NLRP2: variants seen among roughly 807,000 people sequenced by gnomAD.
The protein encoded by NLRP2 is NLR family pyrin domain containing 2.
NLRP2 carries 107 observed loss-of-function variants against 97.2 expected under a neutral mutation model. The observed-to-expected ratio is 1.10, with a 90% CI of 0.94 to 1.29. NLRP2 has a LOEUF of 1.29. NLRP2 is among the 50% of genes most tolerant of loss of function. The pLI is 0.00. For synonymous variants in NLRP2, 663 were observed against 551.5 expected (o/e 1.20, Z -2.83); for missense variants, 1,495 against 1,330.3 (o/e 1.12, Z -1.93).
chr19:54,998,402 A>T (rs1476010664), intron 12 of NLRP2, among the ~76,000 whole-genome samples: 4 of 152,046 alleles, frequency 2.6e-5, no homozygotes, highest in African/African-American at 7.2e-5. Flanking sequence ...CTCACAAGCA[A>T]TATACTCTAC....
Position 55,001,056 on chromosome 19 carries a change from T to G in NLRP2, c.*158T>G. ...CATGATTCTGCCTCTGTTTTATACC[T>G]GCACACATCCTTATCTTTGTTACAT... On this transcript the variant is annotated 3_prime_UTR_variant, in exon 13 of 13. Coordinates refer to ENST00000448584, the MANE Select transcript of NLRP2 (RefSeq NM_017852.5). 1 of 647,968 alleles carries G rather than the reference T, an allele frequency of 1.5e-6. No homozygotes were observed. Among genetic ancestry groups the G allele is most frequent in the Non-Finnish European group, 2.7e-6 (1 of 364,670 alleles). The allele number at this position is 647,968 out of a possible 1,614,324, so 40.1% of individuals were successfully genotyped here.
chr19:54,968,701 C>CTTTTTTTTTTTTTTTTTTTTTTTTTTT lies in NLRP2; in HGVS notation c.-17-1286_-17-1285insTTTTTTTTTTTTTTTTTTTTTTTTTTT, dbSNP rs61212213. ...CTCCACCACTAAGTTATCTTTAAGCCTTTTTTTTTTTTGAGACAGTTTCAC... is the reference window on the plus strand; with the variant it reads ...CTCCACCACTAAGTTATCTTTAAGCCTTTTTTTTTTTTTTTTTTTTTTTTTTTTTTTTTTTTTTTGAGACAGTTTCAC... On this transcript the variant is annotated intron_variant, in intron 1 of 12. Transcript: ENST00000448584. Among the ~76,000 whole-genome samples the CTTTTTTTTTTTTTTTTTTTTTTTTTTT allele has an allele frequency of 1.2e-4, 14 of 114,338 alleles. 3 individuals carry two copies. The highest frequency in any genetic ancestry group is 5.2e-4 in the African/African-American group (14 of 26,786). The allele number at this position is 114,338 out of a possible 152,430, so 75.0% of individuals were successfully genotyped here.
At position 54,982,282 on chromosome 19, in the gene NLRP2, T is replaced by TCAGCAACC. The variant is rs1555772918; in HGVS notation, c.586_593dup (p.Arg199AlafsTer31). 1.2e-6 allele frequency: 2 copies of TCAGCAACC among 1,613,930 alleles called. No homozygotes were observed. The highest frequency in any genetic ancestry group is 1.7e-6 in the Non-Finnish European group (2 of 1,179,982). On this transcript the variant is annotated frameshift_variant, in exon 6 of 13. Coordinates refer to ENST00000448584, the MANE Select transcript of NLRP2 (RefSeq NM_017852.5). LOFTEE classifies it high-confidence loss of function. ...GAGAGATACAAGATGCTGATCCCAT[T>TCAGCAACC]CAGCAACCCCAGGGTGCTTCCCGGG...
At position 54,990,511 on chromosome 19, in the gene NLRP2, C is replaced by T. The variant is rs747513037; in HGVS notation, c.2547C>T (p.Asn849=). ...TGTGATTCTTTTGTAGGTTGGAAAACTGTCACCTTACAGAAGCCAATTGCA... is the reference window on the plus strand; with the variant it reads ...TGTGATTCTTTTGTAGGTTGGAAAATTGTCACCTTACAGAAGCCAATTGCA... ...KCFLQRLSLE[N]CHLTEANCKD... Residue 849 remains asparagine (N), a synonymous_variant, in exon 10 of 13, where the codon AAC becomes AAT. Transcript: ENST00000448584. 3.7e-6 allele frequency: 6 copies of T among 1,614,058 alleles called. No homozygotes were observed. The African/African-American group carries it at 4.0e-5, about 11-fold the overall frequency.
chr19:54,970,316 ACT>A (rs752506903), intron 2 of NLRP2, 21 bp downstream of exon 2: 193 of 1,613,760 alleles, frequency 1.2e-4, no homozygotes, highest in Non-Finnish European at 1.5e-4. Flanking sequence ...ATCGGTCCAC[ACT>A]GTGTCCTAGG....
Position 54,975,544 on chromosome 19 carries a change from C to T in NLRP2, c.325+1000C>T, listed in dbSNP as rs569703264. 6.8e-5 allele frequency among the ~76,000 whole-genome samples: 10 copies of T among 146,060 alleles called. 3 individuals are homozygous for T. The East Asian group carries it at 8.8e-4, about 13-fold the overall frequency. ...TCGGCTCACTGCAAGCTCCGCCTCC[C>T]GGGTTCATGCCATTCTCCTGCCTCA... On this transcript the variant is annotated intron_variant, in intron 3 of 12. Coordinates refer to ENST00000448584, the MANE Select transcript of NLRP2 (RefSeq NM_017852.5).
rs1320757116 is a variant in NLRP2, at chr19:54,977,490, TG to T, written c.326-261del. On this transcript the variant is annotated intron_variant, in intron 3 of 12. Transcript: ENST00000448584. Reference sequence around the variant, plus strand: ...AGTGGCCTTATGCGTGAGTAGTTTGTGTGTGTGTGTGTGTGTGTGTGTGTGT... The same window carrying T: ...AGTGGCCTTATGCGTGAGTAGTTTGTTGTGTGTGTGTGTGTGTGTGTGTGT... 5.3e-3 allele frequency among the ~76,000 whole-genome samples: 279 copies of T among 52,874 alleles called. 1 individual carries two copies. In the African/African-American group the frequency reaches 0.07, roughly 13 times the overall value. 34.7% of individuals were successfully genotyped at this position (52,874 alleles called of 152,430 possible).
chr19:54,998,249 C>T (rs1452144315), intron 12 of NLRP2, among the ~76,000 whole-genome samples: 1 of 151,752 alleles, frequency 6.6e-6, no homozygotes, highest in Non-Finnish European at 1.5e-5. Context: ...AAACTCCTGA[C>T]CTCCGTGATT....
intron 8 of NLRP2, among the ~76,000 whole-genome samples, chr19:54,986,585 C>A (rs1432753817): frequency 6.7e-6 from 1 of 149,986 alleles, no homozygotes; most frequent in East Asian, 1.9e-4. Flanking sequence ...AAGTCTTGCT[C>A]TGTTGCCCAG....
intron 1 of NLRP2, among the ~76,000 whole-genome samples, chr19:54,967,306 A>C (rs1362469967): frequency 6.6e-6 from 1 of 152,044 alleles, no homozygotes; most frequent in Non-Finnish European, 1.5e-5. Context: ...AACATGTAGA[A>C]ACCCCATCTC....
At chr19:54,978,169 C>T (rs2071365544) in intron 4 of NLRP2, among the ~76,000 whole-genome samples, 1 of 152,016 alleles carries the variant, frequency 6.6e-6, no homozygotes, top group Admixed American at 6.6e-5. Context: ...AGCGATTCTC[C>T]TGATTCTCCT....
At chr19:54,980,315 C>A (rs769642382) in intron 4 of NLRP2, among the ~76,000 whole-genome samples, 21 of 152,018 alleles carry the variant, frequency 1.4e-4, no homozygotes, top group Non-Finnish European at 2.1e-4. Flanking sequence ...TCTGCCTCAG[C>A]CTCCCCAGTA....
In NLRP2 at chr19:54,991,543, ACT is replaced by A. The variant is rs559220652; in HGVS notation, c.2708+877_2708+878del. The A allele has an allele frequency of 4.7e-5, 6 of 128,648 alleles. No individual in the cohort carries two copies. The South Asian group carries it at 7.3e-4, about 16-fold the overall frequency. 8.0% of individuals were successfully genotyped at this position (128,648 alleles called of 1,614,324 possible). On this transcript the variant is annotated intron_variant, in intron 10 of 12. Transcript: ENST00000448584. ...AGTCCAGTCTGGCCAATAGAGCAAG[ACT>A]CTCTCAAAAAAAAAAAATTATAGGA... is the stretch of plus-strand genomic sequence containing the variant.
In NLRP2 at chr19:54,969,496, A is replaced by AT. The variant is rs1386578865; in HGVS notation, c.-17-503_-17-502insT. Among the ~76,000 whole-genome samples, 463 of 141,702 alleles carry AT rather than the reference A, an allele frequency of 3.3e-3. 2 individuals are homozygous for AT. Among genetic ancestry groups the AT allele is most frequent in the Non-Finnish European group, 5.3e-3 (344 of 64,640 alleles). 93.0% of individuals were successfully genotyped at this position (141,702 alleles called of 152,430 possible). A position where few individuals can be genotyped will look rare whatever the true frequency, so the allele number is the denominator to read the frequency against. ...CCGTCTCAAAAAAAAAAAAAAAAAA[A>AT]ATACAAAAAGTAGCTGAGCGTGGTG... On this transcript the variant is annotated intron_variant, in intron 1 of 12. Coordinates refer to ENST00000448584, the MANE Select transcript of NLRP2 (RefSeq NM_017852.5).
intron 10 of NLRP2, chr19:54,990,891 G>A (rs1361543879): frequency 1.2e-5 from 7 of 575,804 alleles, no homozygotes; most frequent in Non-Finnish European, 2.2e-5. Context: ...GAATGTAGCT[G>A]GTTTTCGGGT....
Position 54,990,085 on chromosome 19 carries a change from C to T in NLRP2, c.2430C>T (p.Asn810=). The T allele has an allele frequency of 6.2e-7, 1 of 1,614,124 alleles. No homozygotes were observed. The highest frequency in any genetic ancestry group is 1.7e-5 in the Admixed American group (1 of 60,000). The change falls in exon 9 of 13, where the codon AAC becomes AAT. Residue 810 remains asparagine, a synonymous_variant. Transcript: ENST00000448584. The part of the protein sequence containing the change: ...WADLSLALEV[N]QSLTCVNLSD... ...ATCTCTCCTTGGCCCTTGAAGTCAACCAGTCCCTGACGTGCGTAAACCTCT... is the reference window on the plus strand; with the variant it reads ...ATCTCTCCTTGGCCCTTGAAGTCAATCAGTCCCTGACGTGCGTAAACCTCT...
chr19:54,992,863 A>G (rs2072580355), intron 10 of NLRP2, among the ~76,000 whole-genome samples: 1 of 151,670 alleles, frequency 6.6e-6, no homozygotes, highest in African/African-American at 2.4e-5. Context: ...CGGCCCCCTC[A>G]ATTCAACTTT....
At chr19:54,984,947 A>T (rs1323294721) in intron 6 of NLRP2, 100 bp from the exon 7 acceptor site, 1 of 1,113,438 alleles carries the variant, frequency 9.0e-7, no homozygotes, top group East Asian at 2.3e-5. Context: ...CCAGCTTTCA[A>T]TTGTACTCAT....
intron 12 of NLRP2, 23 bp from the exon 13 acceptor site, chr19:55,000,737 T>C (rs1568552960): frequency 2.5e-6 from 4 of 1,612,912 alleles, no homozygotes; most frequent in South Asian, 2.2e-5. Context: ...AAAGTAACCT[T>C]TTCTTCCCCC....
Sources: allele counts gnomAD v4.1 joint callset (sites outside exome capture counted in the v4.1 genomes callset), GRCh38; gene constraint gnomAD v4.1.1; transcripts MANE v1.5; gene names NCBI Gene and HGNC (gene_info 2026-07-23, HGNC 2026-07-21).